The following KIF2A variants were observed in gnomAD, a reference collection of about 807,000 sequenced individuals.
KIF2A encodes kinesin-like protein KIF2A.
Under a neutral mutation model 100.2 loss-of-function variants are expected in KIF2A, and 22 were observed. The observed-to-expected ratio is 0.22, with a 90% confidence interval of 0.16 to 0.31. The LOEUF (loss-of-function observed/expected upper bound fraction) is 0.31. KIF2A is among the 10% of genes least tolerant of loss of function. The pLI is 1.00. For missense variants in KIF2A, 495 were observed against 898.7 expected (o/e 0.55, Z 5.74); for synonymous variants, 268 against 285.9 (o/e 0.94, Z 0.63).
At chr5:62,330,329 C>A (rs577621153) in intron 1 of KIF2A, among the ~76,000 whole-genome samples, 1 of 151,468 alleles carries the variant, frequency 6.6e-6, no homozygotes, top group Non-Finnish European at 1.5e-5. Flanking sequence ...CCAGCCTGGG[C>A]GAGAGTGAGA....
intron 5 of KIF2A, 132 bp from the exon 6 acceptor site, chr5:62,353,143 G>T (rs1341520610): frequency 1.9e-6 from 1 of 517,824 alleles, no homozygotes; most frequent in East Asian, 3.3e-5. Context: ...TAAAGCTCAC[G>T]TAGTTGTTAT....
At chr5:62,309,739 C>T (rs923534200) in intron 1 of KIF2A, among the ~76,000 whole-genome samples, 34 of 152,150 alleles carry the variant, frequency 2.2e-4, no homozygotes, top group African/African-American at 7.5e-4. Context: ...TTTCAGACCA[C>T]ACTTTTCCCA....
intron 1 of KIF2A, among the ~76,000 whole-genome samples, chr5:62,314,170 TTG>T (rs1745691427): frequency 6.6e-6 from 1 of 152,148 alleles, no homozygotes; most frequent in Admixed American, 6.5e-5. Context: ...GTTTGGGTAC[TTG>T]TAAATAGAGA....
At chr5:62,363,427 A>G (rs1740909998) in intron 13 of KIF2A, 107 bp downstream of exon 13, 1 of 1,077,376 alleles carries the variant, frequency 9.3e-7, no homozygotes, top group Non-Finnish European at 1.3e-6. Flanking sequence ...AGTAAAAATC[A>G]TTGTTCATAA....
At chr5:62,336,301 G>C (rs906896881) in intron 1 of KIF2A, among the ~76,000 whole-genome samples, 1 of 152,184 alleles carries the variant, frequency 6.6e-6, no homozygotes, top group African/African-American at 2.4e-5. Context: ...AAAAATGCTG[G>C]TTTTTAAATG....
chr5:62,357,991 T>C (rs929192924), intron 8 of KIF2A, 146 bp from the exon 9 acceptor site: 8 of 689,030 alleles, frequency 1.2e-5, no homozygotes, highest in African/African-American at 1.8e-5. Context: ...TATTTTGTCT[T>C]AGTGAGTTGC....
intron 1 of KIF2A, 84 bp from the exon 2 acceptor site, chr5:62,347,046 C>A: frequency 2.8e-6 from 2 of 715,670 alleles, no homozygotes; most frequent in East Asian, 3.1e-5. Flanking sequence ...TTTTTAATTT[C>A]CAAGTTATAA....
rs1742160313 is a variant in KIF2A at position 62,388,871 on chromosome 5, G to A, written c.*3302G>A. On this transcript the variant is annotated 3_prime_UTR_variant, in exon 21 of 21. Coordinates refer to ENST00000407818, the MANE Select transcript of KIF2A (RefSeq NM_001098511.3). ...ACTTTAAAATTCAGAATCATAAATG[G>A]TGACAACAGTAGTAGTATTGAACCA... 9 of 730,056 alleles carry A rather than the reference G, an allele frequency of 1.2e-5. No homozygotes were observed. The highest frequency in any genetic ancestry group is 7.9e-4 in the Middle Eastern group (2 of 2,534). The allele number at this position is 730,056 out of a possible 1,614,324, so 45.2% of individuals were successfully genotyped here.
In KIF2A at chr5:62,389,994, C is replaced by A. The variant is rs140736010; in HGVS notation, c.*4425C>A. On this transcript the variant is annotated 3_prime_UTR_variant, in exon 21 of 21. Transcript: ENST00000407818. ...AATAGTATTCAATGCCTAGGATTAA[C>A]ATCTAAAATGACTCAGTAGTACTGC... is the stretch of plus-strand genomic sequence containing the variant. Among the ~76,000 whole-genome samples the A allele has an allele frequency of 2.6e-5, 4 of 152,306 alleles. No homozygotes were observed. The East Asian group carries it at 7.7e-4, about 29-fold the overall frequency.
At chr5:62,336,499 C>T (rs74491033) in intron 1 of KIF2A, among the ~76,000 whole-genome samples, 1,806 of 152,126 alleles carry the variant, frequency 0.012, 33 homozygotes, top group African/African-American at 0.041. Context: ...AACAGGATAC[C>T]TAGAAAACCC....
At chr5:62,338,908 C>T (rs1280540642) in intron 1 of KIF2A, among the ~76,000 whole-genome samples, 5 of 152,162 alleles carry the variant, frequency 3.3e-5, no homozygotes, top group Non-Finnish European at 7.4e-5. Flanking sequence ...GAATGGCTAA[C>T]AAGCACAAAA....
At chr5:62,369,202 G>C (rs566539059) in intron 16 of KIF2A, among the ~76,000 whole-genome samples, 6 of 152,210 alleles carry the variant, frequency 3.9e-5, no homozygotes, top group African/African-American at 1.4e-4. Flanking sequence ...TAACCATCTG[G>C]GACACTGTAT....
Position 62,386,540 on chromosome 5 carries a change from A to G in KIF2A, c.*971A>G, listed in dbSNP as rs903616085. 2.6e-5 allele frequency among the ~76,000 whole-genome samples: 4 copies of G among 152,238 alleles called. No homozygotes were observed. Reference sequence around the variant, plus strand: ...ATATACCTTTTCTATGTACTGTTAAAAGAAATTGGCTTCTGATGCATGAAC... The same window carrying G: ...ATATACCTTTTCTATGTACTGTTAAGAGAAATTGGCTTCTGATGCATGAAC... On this transcript the variant is annotated 3_prime_UTR_variant, in exon 21 of 21. Transcript: ENST00000407818.
chr5:62,334,414 C>T (rs1746822773), intron 1 of KIF2A, among the ~76,000 whole-genome samples: 1 of 151,664 alleles, frequency 6.6e-6, no homozygotes. Context: ...CCACAGTCTC[C>T]CCTCACTATC....
At chr5:62,361,404 A>G (rs776555508) in intron 10 of KIF2A, 62 bp from the exon 11 acceptor site, 776 of 1,418,414 alleles carry the variant, frequency 5.5e-4, no homozygotes, top group Non-Finnish European at 7.3e-4. Context: ...AATTCTGTGA[A>G]CTAAATTCTT....
At chr5:62,346,117 A>G (rs1747552707) in intron 1 of KIF2A, among the ~76,000 whole-genome samples, 1 of 152,052 alleles carries the variant, frequency 6.6e-6, no homozygotes, top group Non-Finnish European at 1.5e-5. Context: ...TATGATAAAC[A>G]TAATGAAATA....
At chr5:62,367,427 C>T (rs1199464257) in intron 16 of KIF2A, among the ~76,000 whole-genome samples, 5 of 151,912 alleles carry the variant, frequency 3.3e-5, no homozygotes, top group Non-Finnish European at 4.4e-5. Flanking sequence ...CCACCATACC[C>T]GGCTAATTTT....
At chr5:62,353,065 T>G (rs1747934800) in intron 5 of KIF2A, 4 of 448,824 alleles carry the variant, frequency 8.9e-6, no homozygotes, top group Non-Finnish European at 1.6e-5. Context: ...TCAATATGTT[T>G]GAGTCATTTT....
At chr5:62,314,197 TG>T (rs1745693726) in intron 1 of KIF2A, among the ~76,000 whole-genome samples, 1 of 152,118 alleles carries the variant, frequency 6.6e-6, no homozygotes, top group Admixed American at 6.5e-5. Context: ...CTCGGTGTGG[TG>T]TCTCATGCCT....
Sources: gnomAD v4.1 joint callset for allele counts (sites outside exome capture counted in the v4.1 genomes callset) on GRCh38, gnomAD v4.1.1 for gene constraint, MANE v1.5 for transcripts, NCBI Gene and HGNC (gene_info 2026-07-23, HGNC 2026-07-21) for gene names.